GAS7: variants seen among roughly 807,000 people sequenced by gnomAD.
GAS7 encodes growth arrest-specific protein 7.
Under a neutral mutation model 71.1 loss-of-function variants are expected in GAS7, and 28 were observed. The ratio of observed to expected loss-of-function variants is 0.39; its 90% confidence interval spans 0.29 to 0.54. The LOEUF (loss-of-function observed/expected upper bound fraction) is 0.54. Among genes scored for constraint, GAS7 ranks in the 20% least tolerant of loss-of-function variants. The pLI is 0.62. For synonymous variants in GAS7, 258 were observed against 245.8 expected, an observed-to-expected ratio of 1.05 and a Z score of -0.46; for missense variants, 436 against 627.8, an observed-to-expected ratio of 0.69 and a Z score of 3.27.
chr17:10,146,382 T>C (rs1351110366), intron 1 of GAS7, among the ~76,000 whole-genome samples: 1 of 152,154 alleles, frequency 6.6e-6, no homozygotes, highest in South Asian at 2.1e-4. Context: ...TTTTCCCAAT[T>C]ATGACTGCAT....
At chr17:10,115,179 G>A (rs1410497721) in intron 1 of GAS7, among the ~76,000 whole-genome samples, 1 of 152,234 alleles carries the variant, frequency 6.6e-6, no homozygotes, top group Non-Finnish European at 1.5e-5. Context: ...TTAGGACGGG[G>A]GCTTATGGGA....
chr17:10,008,270 C>A (rs1294118955), intron 2 of GAS7, among the ~76,000 whole-genome samples: 3 of 152,174 alleles, frequency 2.0e-5, no homozygotes, highest in Non-Finnish European at 4.4e-5. Context: ...TTCTGGGTCA[C>A]TGAATATTCT....
chr17:9,936,421 G>A (rs141371510), intron 8 of GAS7, among the ~76,000 whole-genome samples: 7 of 152,288 alleles, frequency 4.6e-5, no homozygotes, highest in South Asian at 2.1e-4. Context: ...AGGGACAGTC[G>A]TGGTGGCCTG....
intron 7 of GAS7, 40 bp from the exon 8 acceptor site, chr17:9,940,240 T>G (rs2068553714): frequency 6.6e-7 from 1 of 1,504,572 alleles, no homozygotes; most frequent in African/African-American, 1.4e-5. Context: ...AGCTCTCCAG[T>G]GCCAGATCGT....
At chr17:10,128,395 T>C (rs915445758) in intron 1 of GAS7, among the ~76,000 whole-genome samples, 2 of 152,146 alleles carry the variant, frequency 1.3e-5, no homozygotes, top group Admixed American at 1.3e-4. Flanking sequence ...GAGGGGTGGA[T>C]GGGAGACCCA....
intron 9 of GAS7, among the ~76,000 whole-genome samples, chr17:9,927,669 G>C (rs1040313681): frequency 6.6e-6 from 1 of 152,116 alleles, no homozygotes; most frequent in East Asian, 1.9e-4. Context: ...CAGTGACTGG[G>C]GTACGCGGCT....
intron 1 of GAS7, among the ~76,000 whole-genome samples, chr17:10,113,217 A>G (rs1450349059): frequency 1.3e-5 from 2 of 152,044 alleles, no homozygotes; most frequent in African/African-American, 2.4e-5. Context: ...GAAAGCAGGC[A>G]CTCCTACTCG....
At chr17:10,148,483 T>G (rs1349403128) in intron 1 of GAS7, among the ~76,000 whole-genome samples, 1 of 148,950 alleles carries the variant, frequency 6.7e-6, no homozygotes, top group Non-Finnish European at 1.5e-5. Flanking sequence ...CCAGGCGTGG[T>G]GGTGCATGCC....
At position 9,919,709 on chromosome 17, in the gene GAS7, G is replaced by C; in HGVS notation, c.1139-4C>G. The C allele has an allele frequency of 6.2e-7, 1 of 1,607,892 alleles. No individual in the cohort carries two copies. The highest frequency in any genetic ancestry group is 1.1e-5 in the South Asian group (1 of 90,948). On this transcript the variant is annotated splice_polypyrimidine_tract_variant and splice_region_variant and intron_variant, in intron 11 of 13. Transcript: ENST00000432992. This position sits in a 1 kb window ranked among gnomAD's most constrained non-coding sequence, Gnocchi z 5.0. ...ACACAGCGCATGAGGTCGTCTCCTGGAAAAAGACCACAGTCACCATCATGA... is the reference window on the plus strand; with the variant it reads ...ACACAGCGCATGAGGTCGTCTCCTGCAAAAAGACCACAGTCACCATCATGA...
intron 1 of GAS7, among the ~76,000 whole-genome samples, chr17:10,185,922 C>T (rs971539093): frequency 1.3e-5 from 2 of 148,476 alleles, no homozygotes; most frequent in Non-Finnish European, 3.0e-5. Context: ...ATTCAGGTTT[C>T]CACTTCAGAC....
intron 1 of GAS7, among the ~76,000 whole-genome samples, chr17:10,165,043 G>A (rs936335610): frequency 3.3e-5 from 5 of 151,618 alleles, no homozygotes; most frequent in African/African-American, 1.2e-4. Flanking sequence ...CCAGCACTTT[G>A]GGAAGCTGAG....
chr17:10,007,353 G>A (rs554558440), intron 2 of GAS7, among the ~76,000 whole-genome samples: 16 of 152,150 alleles, frequency 1.1e-4, no homozygotes, highest in African/African-American at 3.9e-4. Flanking sequence ...GGCCGGGCAC[G>A]GTGGCTCATG....
rs534803408 is a variant in GAS7 at position 9,981,323 on chromosome 17, C to T, written c.385+481G>A. Among the ~76,000 whole-genome samples, 1 of 152,018 alleles carries T rather than the reference C, an allele frequency of 6.6e-6. No individual in the cohort carries two copies. Among genetic ancestry groups the T allele is most frequent in the African/African-American group, 2.4e-5 (1 of 41,410 alleles). ...AAACAAACAAACAAACAAAAAAGAA[C>T]GTCCATCTCAACTGCCTCTGCTTGA... On this transcript the variant is annotated intron_variant, in intron 3 of 13. Coordinates refer to ENST00000432992, the MANE Select transcript of GAS7 (RefSeq NM_201433.2). The surrounding 1 kb of genome is among the most constrained non-coding windows in gnomAD (Gnocchi z 4.4).
intron 1 of GAS7, among the ~76,000 whole-genome samples, chr17:10,090,784 T>C (rs945155724): frequency 2.0e-5 from 3 of 151,878 alleles, no homozygotes; most frequent in African/African-American, 7.3e-5. Context: ...AGATAGGGAG[T>C]GACTAGCCCA....
intron 3 of GAS7, among the ~76,000 whole-genome samples, chr17:9,975,117 G>A (rs1357811404): frequency 6.6e-6 from 1 of 152,244 alleles, no homozygotes; most frequent in Non-Finnish European, 1.5e-5. Flanking sequence ...CACTTTGGGA[G>A]GCTGAGGAGG....
intron 5 of GAS7, among the ~76,000 whole-genome samples, chr17:9,954,164 C>T (rs997875687): frequency 2.6e-5 from 4 of 152,078 alleles, no homozygotes; most frequent in Non-Finnish European, 5.9e-5. Flanking sequence ...AGGTGGGGAC[C>T]GCGTTGCTCG....
At chr17:10,170,892 C>T (rs1032317472) in intron 1 of GAS7, among the ~76,000 whole-genome samples, 1 of 152,208 alleles carries the variant, frequency 6.6e-6, no homozygotes, top group African/African-American at 2.4e-5. Context: ...TATCCCTCTG[C>T]CACACATAAA....
At position 9,919,441 on chromosome 17, in the gene GAS7, T is replaced by C. The variant is rs9897353; in HGVS notation, c.1218+185A>G. On this transcript the variant is annotated intron_variant, in intron 12 of 13. Transcript: ENST00000432992. This position sits in a 1 kb window ranked among gnomAD's most constrained non-coding sequence, Gnocchi z 5.0. ...CCACATCCACACAGCTAGGAAGCGC[T>C]GGAGCAGAGATCTGAATCCACATAA... 0.088 allele frequency among the ~76,000 whole-genome samples: 13,349 copies of C among 152,078 alleles called. 1,734 individuals carry two copies. The highest frequency in any genetic ancestry group is 0.28 in the African/African-American group (11,632 of 41,412).
Position 9,959,604 on chromosome 17 carries a change from C to G in GAS7, c.472-349G>C. ...TCCGCGTGCCGCTTGCTGCCTGAAG[C>G]CGCGGAATCCACTGGGGAGAAGAGA... On this transcript the variant is annotated intron_variant, in intron 4 of 13. Transcript: ENST00000432992. This position sits in a 1 kb window ranked among gnomAD's most constrained non-coding sequence, Gnocchi z 5.0. 1 of 462,262 alleles carries G rather than the reference C, an allele frequency of 2.2e-6. No homozygotes were observed. Among genetic ancestry groups the G allele is most frequent in the Middle Eastern group, 6.4e-4 (1 of 1,558 alleles). 28.6% of individuals were successfully genotyped at this position (462,262 alleles called of 1,614,324 possible).
Sources: allele counts gnomAD v4.1 joint callset (sites outside exome capture counted in the v4.1 genomes callset), GRCh38; gene constraint gnomAD v4.1.1; non-coding constraint Gnocchi (gnomAD v3.1); transcripts MANE v1.5; gene names NCBI Gene and HGNC (gene_info 2026-07-23, HGNC 2026-07-21).